The following FMN1 variants were observed in gnomAD, a reference collection of about 807,000 sequenced individuals.
FMN1 encodes the protein formin-1.
FMN1 carries 110 observed loss-of-function variants against 132.4 expected under a neutral mutation model. The observed-to-expected ratio is 0.83, with a 90% confidence interval of 0.71 to 0.97. The LOEUF (loss-of-function observed/expected upper bound fraction) is 0.97, where lower values mean the gene tolerates loss of function less well. Among genes scored for constraint, FMN1 ranks in the 50% least tolerant of loss-of-function variants. FMN1 has a pLI of 0.00. For synonymous variants in FMN1, 722 were observed against 651.7 expected (o/e 1.11, Z -1.64); for missense variants, 1,792 against 1,705.3 (o/e 1.05, Z -0.90).
intron 3 of FMN1, among the ~76,000 whole-genome samples, chr15:33,176,505 CCAAAAA>C (rs1172836263): frequency 8.1e-5 from 4 of 49,680 alleles, no homozygotes; most frequent in Non-Finnish European, 1.1e-4. Flanking sequence ...GACCCTGTCT[CCAAAAA>C]AAAAAAAAAA....
At chr15:33,158,113 A>C (rs1595580545) in intron 3 of FMN1, among the ~76,000 whole-genome samples, 2 of 152,186 alleles carry the variant, frequency 1.3e-5, no homozygotes, top group East Asian at 3.8e-4. Flanking sequence ...TAAAATCTAG[A>C]AAAAGGGCAC....
At chr15:33,091,240 T>G (rs345802) in intron 4 of FMN1, among the ~76,000 whole-genome samples, 33,481 of 152,094 alleles carry the variant, frequency 0.22, 4,255 homozygotes, top group African/African-American at 0.36. Flanking sequence ...GAGTGAAACA[T>G]TCCCATAACA....
chr15:32,900,226 G>T (rs2060263204), intron 13 of FMN1, 101 bp from the exon 14 acceptor site: 1 of 1,270,740 alleles, frequency 7.9e-7, no homozygotes. Flanking sequence ...CTGTCGGGAG[G>T]CTTGGTACCA....
At chr15:33,078,322 G>A (rs1041363013) in intron 5 of FMN1, among the ~76,000 whole-genome samples, 2 of 152,146 alleles carry the variant, frequency 1.3e-5, no homozygotes, top group Non-Finnish European at 2.9e-5. Flanking sequence ...GCAGGTGGTG[G>A]GGAGGAACCA....
intron 4 of FMN1, among the ~76,000 whole-genome samples, chr15:33,104,765 A>T (rs1408553838): frequency 6.6e-6 from 1 of 152,154 alleles, no homozygotes; most frequent in Non-Finnish European, 1.5e-5. Flanking sequence ...AGGAAAAATG[A>T]GATAATTTGA....
chr15:32,843,992 A>G (rs911007988), intron 17 of FMN1, among the ~76,000 whole-genome samples: 1 of 152,218 alleles, frequency 6.6e-6, no homozygotes, highest in African/African-American at 2.4e-5. Context: ...TAAATAAATC[A>G]AAATTTAAAT....
chr15:33,123,927 C>T (rs139612469), intron 4 of FMN1, among the ~76,000 whole-genome samples: 3 of 152,186 alleles, frequency 2.0e-5, no homozygotes, highest in Non-Finnish European at 4.4e-5. Flanking sequence ...TCTGTTCTCC[C>T]CTCATGGTAT....
intron 4 of FMN1, among the ~76,000 whole-genome samples, chr15:33,148,478 C>A (rs1402914598): frequency 1.3e-5 from 2 of 152,190 alleles, no homozygotes; most frequent in East Asian, 1.9e-4. Flanking sequence ...TAGACCACAG[C>A]CCCTGGCTTG....
chr15:33,159,614 C>T (rs540853195), intron 3 of FMN1, among the ~76,000 whole-genome samples: 1 of 152,318 alleles, frequency 6.6e-6, no homozygotes, highest in South Asian at 2.1e-4. Context: ...TATTTGAACA[C>T]TCTAAAAGTA....
At chr15:32,987,817 C>T (rs1237894057) in intron 7 of FMN1, among the ~76,000 whole-genome samples, 2 of 152,044 alleles carry the variant, frequency 1.3e-5, no homozygotes, top group African/African-American at 4.8e-5. Context: ...ACTTAACAGG[C>T]CAGTACTAAA....
chr15:33,189,830 C>T (rs1966012837), intron 2 of FMN1, among the ~76,000 whole-genome samples: 3 of 152,218 alleles, frequency 2.0e-5, no homozygotes, highest in African/African-American at 4.8e-5. Context: ...AAACATACAA[C>T]TCATGCTCAC....
Position 32,969,061 on chromosome 15 carries a change from G to A in FMN1, c.2640C>T (p.Pro880=), listed in dbSNP as rs776737801. ...PPPASIPPPP[P]LPSGLGSLSP... The stretch of plus-strand genomic sequence containing the variant: ...ACAAAGATCCAAGTCCTGAGGGGAG[G>A]GGCGGAGGGGGAGGGATGGATGCGG... The change falls in exon 8 of 21, where the codon CCC becomes CCT. Residue 880 remains proline (P), a synonymous_variant. Coordinates refer to ENST00000616417, the MANE Select transcript of FMN1 (RefSeq NM_001277313.2). The A allele has an allele frequency of 2.6e-6, 4 of 1,554,150 alleles. No homozygotes were observed. Among genetic ancestry groups the A allele is most frequent in the African/African-American group, 2.7e-5 (2 of 73,878 alleles).
Position 33,153,955 on chromosome 15 carries a change from A to T in FMN1, c.960T>A (p.Thr320=). 6.5e-7 allele frequency: 1 copy of T among 1,536,762 alleles called. No homozygotes were observed. Among genetic ancestry groups the T allele is most frequent in the Non-Finnish European group, 8.7e-7 (1 of 1,147,040 alleles). Residue 320 remains threonine, a synonymous_variant, in exon 4 of 21, where the codon ACT becomes ACA. Coordinates refer to ENST00000616417, the MANE Select transcript of FMN1 (RefSeq NM_001277313.2). ...CTTTGGAGACAGGTTTCTGCTTGCA[A>T]GTCCGCTTAGCCGGCTTCTCCATCT... is the stretch of plus-strand genomic sequence containing the variant. ...KDEMEKPAKR[T]CKQKPVSKVV...
intron 6 of FMN1, among the ~76,000 whole-genome samples, chr15:33,029,837 G>T (rs1174589980): frequency 1.3e-5 from 2 of 152,174 alleles, no homozygotes; most frequent in African/African-American, 4.8e-5. Flanking sequence ...ATAGAAGTTG[G>T]TAGGTAGAAA....
intron 17 of FMN1, among the ~76,000 whole-genome samples, chr15:32,821,108 T>TTTTTTTTTTTTTTTTTTTTTTTTG (rs1229243106): frequency 6.6e-6 from 1 of 150,632 alleles, no homozygotes; most frequent in African/African-American, 2.4e-5. Context: ...ACAGATTTTC[T>TTTTTTTTTTTTTTTTTTTTTTTTG]AAGATACAAT....
chr15:33,147,738 A>T (rs1189434069), intron 4 of FMN1, among the ~76,000 whole-genome samples: 1 of 152,254 alleles, frequency 6.6e-6, no homozygotes, highest in Non-Finnish European at 1.5e-5. Flanking sequence ...TATTTTATAC[A>T]GAAACTGACC....
At chr15:33,123,344 G>A (rs931112372) in intron 4 of FMN1, among the ~76,000 whole-genome samples, 4 of 151,878 alleles carry the variant, frequency 2.6e-5, no homozygotes, top group Admixed American at 1.3e-4. Flanking sequence ...TACTGAATTA[G>A]GTAAATACTC....
At chr15:32,777,493 T>C (rs931143428) in intron 19 of FMN1, among the ~76,000 whole-genome samples, 1 of 146,760 alleles carries the variant, frequency 6.8e-6, no homozygotes, top group African/African-American at 2.5e-5. Flanking sequence ...TATTTATATA[T>C]TACGTATAAC....
chr15:33,146,052 T>A (rs1276755848), intron 4 of FMN1, among the ~76,000 whole-genome samples: 1 of 151,486 alleles, frequency 6.6e-6, no homozygotes, highest in Non-Finnish European at 1.5e-5. Context: ...CTCGGCTCAC[T>A]GTAACATACT....
Sources: gnomAD v4.1 joint callset for allele counts (sites outside exome capture counted in the v4.1 genomes callset) on GRCh38, gnomAD v4.1.1 for gene constraint, MANE v1.5 for transcripts, NCBI Gene and HGNC (gene_info 2026-07-23, HGNC 2026-07-21) for gene names.